The following MAGI2 variants were observed in gnomAD, a reference collection of about 807,000 sequenced individuals.
MAGI2 encodes membrane-associated guanylate kinase, WW and PDZ domain-containing protein 2.
A neutral mutation model predicts 133.3 loss-of-function variants in MAGI2; 35 were observed. The ratio of observed to expected loss-of-function variants is 0.26; its 90% CI spans 0.20 to 0.35. MAGI2 has a LOEUF of 0.35. Among genes scored for constraint, MAGI2 ranks in the 10% least tolerant of loss-of-function variants. The pLI is 1.00. For synonymous variants in MAGI2, 729 were observed against 710.6 expected, an observed-to-expected ratio of 1.03 and a Z score of -0.41; for missense variants, 1,636 against 1,863.4, an observed-to-expected ratio of 0.88 and a Z score of 2.25.
At chr7:78,668,577 G>T (rs1253042607) in intron 2 of MAGI2, among the ~76,000 whole-genome samples, 1 of 151,644 alleles carries the variant, frequency 6.6e-6, no homozygotes, top group East Asian at 1.9e-4. Flanking sequence ...TGTATAAGGT[G>T]TAAGGAAGGG....
intron 3 of MAGI2, among the ~76,000 whole-genome samples, chr7:78,567,742 T>G (rs1301995922): frequency 6.6e-6 from 1 of 152,064 alleles, no homozygotes; most frequent in African/African-American, 2.4e-5. Context: ...CGCTAGAATA[T>G]CTCCAATCAT....
At chr7:78,480,352 C>G (rs1166354085) in intron 6 of MAGI2, among the ~76,000 whole-genome samples, 1 of 151,610 alleles carries the variant, frequency 6.6e-6, no homozygotes, top group Admixed American at 6.6e-5. Flanking sequence ...AGTATTACCC[C>G]GATACCAAAA....
chr7:78,432,993 A>ACATAAAAAACCAAG (rs1214732369), intron 6 of MAGI2, among the ~76,000 whole-genome samples: 7 of 152,048 alleles, frequency 4.6e-5, no homozygotes, highest in Non-Finnish European at 1.0e-4. Flanking sequence ...GTATAAAATA[A>ACATAAAAAACCAAG]CCTGGGTTGG....
At chr7:79,245,118 A>G (rs1832727503) in intron 1 of MAGI2, among the ~76,000 whole-genome samples, 1 of 152,220 alleles carries the variant, frequency 6.6e-6, no homozygotes, top group Non-Finnish European at 1.5e-5. Context: ...AATAATCAGT[A>G]GTAATACCCA....
chr7:78,269,218 C>G (rs1248272844), intron 9 of MAGI2, among the ~76,000 whole-genome samples: 1 of 152,160 alleles, frequency 6.6e-6, no homozygotes, highest in Non-Finnish European at 1.5e-5. Context: ...CAAGTCTTTG[C>G]TATTGTGAAC....
Position 78,428,663 on chromosome 7 carries a change from G to T in MAGI2, c.1046-59450C>A, listed in dbSNP as rs188434349. On this transcript the variant is annotated intron_variant, in intron 6 of 21. Transcript: ENST00000354212. ...TGCCTTTACTTGCTAACTGCCTGCC[G>T]TGCCCAAGCACTGAGACCCCATAAA... is the stretch of plus-strand genomic sequence containing the variant. 2.6e-3 allele frequency among the ~76,000 whole-genome samples: 395 copies of T among 152,202 alleles called. 1 individual carries two copies. Among genetic ancestry groups the T allele is most frequent in the African/African-American group, 9.0e-3 (375 of 41,528 alleles).
At chr7:78,933,747 A>G (rs1409232618) in intron 2 of MAGI2, among the ~76,000 whole-genome samples, 1 of 152,174 alleles carries the variant, frequency 6.6e-6, no homozygotes, top group Non-Finnish European at 1.5e-5. Flanking sequence ...GGAGAAAATA[A>G]GGAATGTGCA....
chr7:78,298,100 C>T (rs1334816592), intron 9 of MAGI2, among the ~76,000 whole-genome samples: 2 of 152,072 alleles, frequency 1.3e-5, no homozygotes, highest in Non-Finnish European at 2.9e-5. Context: ...CATCTGTGGT[C>T]TTCCTCACAA....
In MAGI2 at chr7:79,342,662, CTTGT is replaced by C. The variant is rs1840987351; in HGVS notation, c.301+110354_301+110357del. ...ATATTATTTTGCTTTTCTTAGGTTA[CTTGT>C]TTATTTTACTTTTTCTTCATGTTCA... On this transcript the variant is annotated intron_variant, in intron 1 of 21. Coordinates refer to ENST00000354212, the MANE Select transcript of MAGI2 (RefSeq NM_012301.4). Among the ~76,000 whole-genome samples, 5 of 152,234 alleles carry C rather than the reference CTTGT, an allele frequency of 3.3e-5. No individual in the cohort carries two copies. The South Asian group carries it at 8.3e-4, about 25-fold the overall frequency.
At position 79,453,511 on chromosome 7, in the gene MAGI2, C is replaced by T. The variant is rs1247427713; in HGVS notation, c.-191G>A. On this transcript the variant is annotated 5_prime_UTR_variant, in exon 1 of 22. Coordinates refer to ENST00000354212, the MANE Select transcript of MAGI2 (RefSeq NM_012301.4). ...CGAGGAATGGGGAGGATGAGAGGGA[C>T]GGCTGGGCAGAGGTAGGAGAGCTTG... 4.4e-5 allele frequency: 62 copies of T among 1,393,558 alleles called. No individual in the cohort carries two copies. Among genetic ancestry groups the T allele is most frequent in the Non-Finnish European group, 5.5e-5 (59 of 1,078,748 alleles). The allele number at this position is 1,393,558 out of a possible 1,614,324, so 86.3% of individuals were successfully genotyped here.
Position 78,019,164 on chromosome 7 carries a change from C to T in MAGI2, c.*151G>A. 1.1e-6 allele frequency: 1 copy of T among 901,278 alleles called. No individual in the cohort carries two copies. 55.8% of individuals were successfully genotyped at this position (901,278 alleles called of 1,614,324 possible). Reference sequence around the variant, plus strand: ...TTGATGCGATGCCGCCCAAGCACACCGGACACGTGGGACTTCACGTCGATG... The same window carrying T: ...TTGATGCGATGCCGCCCAAGCACACTGGACACGTGGGACTTCACGTCGATG... On this transcript the variant is annotated 3_prime_UTR_variant, in exon 22 of 22. Coordinates refer to ENST00000354212, the MANE Select transcript of MAGI2 (RefSeq NM_012301.4).
intron 1 of MAGI2, among the ~76,000 whole-genome samples, chr7:79,204,238 G>T (rs1828850144): frequency 6.6e-6 from 1 of 152,088 alleles, no homozygotes; most frequent in African/African-American, 2.4e-5. Flanking sequence ...GTGTCAGGAA[G>T]GATCACACTG....
chr7:79,094,029 A>G (rs1292000767), intron 1 of MAGI2, among the ~76,000 whole-genome samples: 4 of 152,074 alleles, frequency 2.6e-5, no homozygotes, highest in Non-Finnish European at 5.9e-5. Flanking sequence ...AATTTCTTAA[A>G]ATAAGAAACA....
rs1821119324 is a variant in MAGI2 at position 78,127,545 on chromosome 7, G to A, written c.3204-129C>T. On this transcript the variant is annotated intron_variant, in intron 18 of 21. Coordinates refer to ENST00000354212, the MANE Select transcript of MAGI2 (RefSeq NM_012301.4). The stretch of plus-strand genomic sequence containing the variant: ...AACCACTCCTCTCGGTGGTCCTGTT[G>A]GATGCTCAGGATTATGAGAAGGTTA... 2.5e-5 allele frequency: 16 copies of A among 642,778 alleles called. No homozygotes were observed. In the South Asian group the frequency reaches 3.0e-4, roughly 12 times the overall value. 39.8% of individuals were successfully genotyped at this position (642,778 alleles called of 1,614,324 possible). A position where few individuals can be genotyped will look rare whatever the true frequency, so the allele number is the denominator to read the frequency against.
rs540548011 is a variant in MAGI2 at position 78,978,315 on chromosome 7, A to G, written c.418+28775T>C. 1.2e-4 allele frequency among the ~76,000 whole-genome samples: 18 copies of G among 151,996 alleles called. No individual in the cohort carries two copies. The East Asian group carries it at 3.5e-3, about 30-fold the overall frequency. ...GATAAACAAACTATGGTGCACACAT[A>G]TAATAGAATATTATTTGGTGGTAAT... On this transcript the variant is annotated intron_variant, in intron 2 of 21. Coordinates refer to ENST00000354212, the MANE Select transcript of MAGI2 (RefSeq NM_012301.4).
chr7:78,814,181 G>C (rs1053549898), intron 2 of MAGI2, among the ~76,000 whole-genome samples: 1 of 152,138 alleles, frequency 6.6e-6, no homozygotes, highest in Non-Finnish European at 1.5e-5. Context: ...GTGGTGGAAA[G>C]GCACTCCCAT....
intron 6 of MAGI2, among the ~76,000 whole-genome samples, chr7:78,448,411 T>G (rs1243639790): frequency 6.6e-6 from 1 of 152,044 alleles, no homozygotes; most frequent in Non-Finnish European, 1.5e-5. Context: ...AAAGAGCTCC[T>G]CTTTCTCCAC....
chr7:79,137,167 G>T (rs1821658288), intron 1 of MAGI2, among the ~76,000 whole-genome samples: 1 of 152,046 alleles, frequency 6.6e-6, no homozygotes, highest in Admixed American at 6.6e-5. Context: ...CCTGCTAGAA[G>T]AAACCTCCAA....
At chr7:78,409,333 A>G (rs1797662161) in intron 6 of MAGI2, among the ~76,000 whole-genome samples, 1 of 152,070 alleles carries the variant, frequency 6.6e-6, no homozygotes, top group South Asian at 2.1e-4. Context: ...TGAGCAAGAA[A>G]TCACTCTCGT....
Sources: allele counts gnomAD v4.1 joint callset (sites outside exome capture counted in the v4.1 genomes callset), GRCh38; gene constraint gnomAD v4.1.1; transcripts MANE v1.5; gene names NCBI Gene and HGNC (gene_info 2026-07-23, HGNC 2026-07-21).